Variants in DLG2 observed in about 807,000 individuals in gnomAD.
The protein encoded by DLG2 is disks large homolog 2.
A neutral mutation model predicts 132.5 loss-of-function variants in DLG2; 45 were observed. The ratio of observed to expected loss-of-function variants is 0.34; its 90% confidence interval spans 0.27 to 0.44. The LOEUF (loss-of-function observed/expected upper bound fraction) is 0.44, where lower values mean the gene tolerates loss of function less well. Ranked by LOEUF, DLG2 falls within the 20% of genes least tolerant of loss-of-function variation. The probability of loss-of-function intolerance (pLI) is 1.00; values close to 1 mark genes in which losing one functional copy is unlikely to be tolerated. For missense variants in DLG2, 1,045 were observed against 1,196.9 expected (o/e 0.87, Z 1.87); for synonymous variants, 424 against 419.6 (o/e 1.01, Z -0.13).
chr11:83,704,931 C>G (rs981411185), intron 18 of DLG2, among the ~76,000 whole-genome samples: 1 of 152,208 alleles, frequency 6.6e-6, no homozygotes, highest in South Asian at 2.1e-4. Context: ...ATTACACTTA[C>G]TACCTGGGTG....
At chr11:83,909,663 C>T (rs1037108666) in intron 15 of DLG2, among the ~76,000 whole-genome samples, 12 of 152,026 alleles carry the variant, frequency 7.9e-5, no homozygotes, top group Middle Eastern at 3.2e-3. Flanking sequence ...TATGATGAAA[C>T]GAAATGGGGA....
rs956655181 is a variant in DLG2 at position 84,032,278 on chromosome 11, G to A, written c.919+27037C>T. Among the ~76,000 whole-genome samples the A allele has an allele frequency of 6.6e-4, 101 of 152,184 alleles. 3 individuals are homozygous for A. Among genetic ancestry groups the A allele is most frequent in the Admixed American group, 6.6e-3 (101 of 15,274 alleles). On this transcript the variant is annotated intron_variant, in intron 11 of 27. Transcript: ENST00000376104. ...TAGGCCTCCTATGCCAAACAGCCAA[G>A]TTGTAAATACAAAGGAAGAGTTCTT...
chr11:83,954,436 G>A (rs1359362750), intron 14 of DLG2, among the ~76,000 whole-genome samples: 1 of 152,044 alleles, frequency 6.6e-6, no homozygotes. Flanking sequence ...TCCACATAAT[G>A]ATCTATCTGT....
chr11:83,951,323 C>T (rs1185750247), intron 14 of DLG2, among the ~76,000 whole-genome samples: 1 of 152,026 alleles, frequency 6.6e-6, no homozygotes, highest in Non-Finnish European at 1.5e-5. Context: ...AATCAATATA[C>T]AAAACAGATA....
At chr11:85,233,274 T>C (rs756599816) in intron 4 of DLG2, among the ~76,000 whole-genome samples, 20 of 151,998 alleles carry the variant, frequency 1.3e-4, no homozygotes, top group Non-Finnish European at 2.1e-4. Flanking sequence ...AAAACTAAAC[T>C]AAGAGCATAT....
intron 6 of DLG2, among the ~76,000 whole-genome samples, chr11:84,676,034 T>C (rs528838092): frequency 9.9e-5 from 15 of 152,100 alleles, no homozygotes; most frequent in Admixed American, 2.6e-4. Context: ...GAATCTCATA[T>C]AAGAGCTACA....
At chr11:85,513,403 T>C (rs2153163048) in intron 3 of DLG2, among the ~76,000 whole-genome samples, 1 of 152,158 alleles carries the variant, frequency 6.6e-6, no homozygotes, top group South Asian at 2.1e-4. Context: ...GTAAACATTA[T>C]GGATTTTAAA....
At chr11:83,547,409 G>T (rs1045318114) in intron 19 of DLG2, among the ~76,000 whole-genome samples, 5 of 152,060 alleles carry the variant, frequency 3.3e-5, no homozygotes, top group African/African-American at 1.2e-4. Flanking sequence ...GATTATCCGG[G>T]TGGACACAAT....
At chr11:84,366,473 A>C (rs1026493317) in intron 7 of DLG2, among the ~76,000 whole-genome samples, 11 of 152,020 alleles carry the variant, frequency 7.2e-5, no homozygotes, top group Non-Finnish European at 1.3e-4. Context: ...ATATTAACTT[A>C]AAATGTAAAT....
At chr11:85,618,112 GA>G (rs1207709894) in intron 2 of DLG2, among the ~76,000 whole-genome samples, 1 of 152,094 alleles carries the variant, frequency 6.6e-6, no homozygotes, top group Non-Finnish European at 1.5e-5. Flanking sequence ...TTATTAGTTG[GA>G]ATTCAGAATG....
chr11:83,574,722 C>T (rs1410670575), intron 19 of DLG2, among the ~76,000 whole-genome samples: 1 of 152,186 alleles, frequency 6.6e-6, no homozygotes, highest in East Asian at 1.9e-4. Flanking sequence ...CCCATCAGAA[C>T]TGTTGTTTCC....
chr11:84,505,130 T>C (rs1227931474), intron 7 of DLG2, among the ~76,000 whole-genome samples: 1 of 152,154 alleles, frequency 6.6e-6, no homozygotes, highest in African/African-American at 2.4e-5. Flanking sequence ...ACCCTGGTGA[T>C]ATAGTAGTAT....
chr11:85,263,051 G>C (rs964927267), intron 4 of DLG2, among the ~76,000 whole-genome samples: 5 of 152,106 alleles, frequency 3.3e-5, no homozygotes, highest in Non-Finnish European at 7.4e-5. Context: ...TTCTCTCAGG[G>C]CATCCCCCCA....
At chr11:85,432,170 A>G (rs1402957653) in intron 3 of DLG2, among the ~76,000 whole-genome samples, 1 of 152,246 alleles carries the variant, frequency 6.6e-6, no homozygotes, top group Non-Finnish European at 1.5e-5. Flanking sequence ...TCATGCAAGG[A>G]TCAGCAGCCT....
At chr11:83,487,747 G>GTGAT (rs1736503039) in intron 21 of DLG2, among the ~76,000 whole-genome samples, 1 of 151,916 alleles carries the variant, frequency 6.6e-6, no homozygotes, top group African/African-American at 2.4e-5. Context: ...TACAATTTTT[G>GTGAT]TGATAGTCAT....
intron 5 of DLG2, among the ~76,000 whole-genome samples, chr11:85,152,322 C>T (rs2077309448): frequency 6.6e-6 from 1 of 151,708 alleles, no homozygotes; most frequent in Non-Finnish European, 1.5e-5. Flanking sequence ...CTCACTACAA[C>T]CTCCACCTCC....
At chr11:83,927,176 T>C (rs911327420) in intron 15 of DLG2, among the ~76,000 whole-genome samples, 2 of 152,160 alleles carry the variant, frequency 1.3e-5, no homozygotes, top group Non-Finnish European at 2.9e-5. Flanking sequence ...TCCATGTTTA[T>C]GTATTCATCC....
At chr11:84,525,523 C>T (rs553235119) in intron 7 of DLG2, among the ~76,000 whole-genome samples, 1 of 152,294 alleles carries the variant, frequency 6.6e-6, no homozygotes, top group Non-Finnish European at 1.5e-5. Context: ...TTCCCTTCAA[C>T]CCCAATACCT....
At chr11:83,734,063 G>A (rs938702061) in intron 18 of DLG2, among the ~76,000 whole-genome samples, 4 of 151,968 alleles carry the variant, frequency 2.6e-5, no homozygotes, top group Admixed American at 2.0e-4. Context: ...ATGGCTTCCA[G>A]TTGCAACCAT....
Sources: gnomAD v4.1 joint callset for allele counts (sites outside exome capture counted in the v4.1 genomes callset) on GRCh38, gnomAD v4.1.1 for gene constraint, MANE v1.5 for transcripts, NCBI Gene and HGNC (gene_info 2026-07-23, HGNC 2026-07-21) for gene names.